The following PIGU variants were observed in gnomAD, a reference collection of about 807,000 sequenced individuals.
The protein encoded by PIGU is phosphatidylinositol glycan anchor biosynthesis class U.
Under a neutral mutation model 49.9 loss-of-function variants are expected in PIGU, and 24 were observed. The ratio of observed to expected loss-of-function variants is 0.48; its 90% CI spans 0.35 to 0.68. The LOEUF (loss-of-function observed/expected upper bound fraction) is 0.68, where lower values mean the gene tolerates loss of function less well. PIGU is among the 30% of genes least tolerant of loss of function. The pLI is 0.01. For missense variants in PIGU, 490 were observed against 532.6 expected, an observed-to-expected ratio of 0.92 and a Z score of 0.79; for synonymous variants, 220 against 205.7, an observed-to-expected ratio of 1.07 and a Z score of -0.59.
intron 10 of PIGU, among the ~76,000 whole-genome samples, chr20:34,581,214 G>C (rs946608818): frequency 1.3e-5 from 2 of 152,040 alleles, no homozygotes; most frequent in Non-Finnish European, 2.9e-5. Context: ...TGAATGAGTG[G>C]CTCTACCTTT....
At chr20:34,562,960 G>A (rs907279569) in intron 11 of PIGU, among the ~76,000 whole-genome samples, 11 of 152,200 alleles carry the variant, frequency 7.2e-5, no homozygotes, top group African/African-American at 1.9e-4. Context: ...AGGGGCAGGT[G>A]CAGTCACAAT....
chr20:34,668,321 G>T, intron 1 of PIGU, among the ~76,000 whole-genome samples: 1 of 151,808 alleles, frequency 6.6e-6, no homozygotes, highest in East Asian at 1.9e-4. Flanking sequence ...AGATTAGCTG[G>T]CATGGTGGCA....
chr20:34,572,952 C>A (rs1472283782), intron 11 of PIGU, among the ~76,000 whole-genome samples: 1 of 152,226 alleles, frequency 6.6e-6, no homozygotes, highest in Non-Finnish European at 1.5e-5. Context: ...AAGGCCACGT[C>A]TGCAGAGGAG....
chr20:34,628,810 C>T (rs1245272306), intron 6 of PIGU, among the ~76,000 whole-genome samples: 1 of 152,146 alleles, frequency 6.6e-6, no homozygotes, highest in Non-Finnish European at 1.5e-5. Flanking sequence ...GAGATCATGT[C>T]ACTGCACTCC....
At chr20:34,665,328 C>T (rs932847330) in intron 1 of PIGU, among the ~76,000 whole-genome samples, 7 of 149,948 alleles carry the variant, frequency 4.7e-5, no homozygotes, top group Non-Finnish European at 7.4e-5. Context: ...CTCAGCCTCC[C>T]GAGTAGCTGG....
intron 7 of PIGU, among the ~76,000 whole-genome samples, chr20:34,609,695 T>C (rs1984743402): frequency 6.6e-6 from 1 of 152,158 alleles, no homozygotes; most frequent in South Asian, 2.1e-4. Flanking sequence ...ATGGTTTTGT[T>C]TCCTGGATGT....
chr20:34,570,686 C>T (rs149025603), intron 11 of PIGU, among the ~76,000 whole-genome samples: 75 of 152,224 alleles, frequency 4.9e-4, no homozygotes, highest in African/African-American at 1.4e-3. Flanking sequence ...TGTGAGCCAC[C>T]GCGCCCGGCC....
chr20:34,595,118 A>C (rs929078819), intron 7 of PIGU, among the ~76,000 whole-genome samples: 1 of 143,092 alleles, frequency 7.0e-6, no homozygotes, highest in African/African-American at 2.6e-5. Flanking sequence ...AAAAAAAAAA[A>C]GAAAAGAAAA....
intron 1 of PIGU, among the ~76,000 whole-genome samples, chr20:34,668,359 G>C (rs1328111665): frequency 6.7e-6 from 1 of 149,964 alleles, no homozygotes; most frequent in Non-Finnish European, 1.5e-5. Context: ...CTACTCGGGA[G>C]GCTAAGGCAG....
chr20:34,644,393 A>G (rs541949154), intron 3 of PIGU, among the ~76,000 whole-genome samples, 167 bp from the exon 4 acceptor site: 2 of 152,186 alleles, frequency 1.3e-5, no homozygotes, highest in Non-Finnish European at 2.9e-5. Flanking sequence ...GATAAGGCCC[A>G]TTCAGGCAGG....
At chr20:34,575,067 C>T in intron 11 of PIGU, 37 bp downstream of exon 11, 1 of 1,608,450 alleles carries the variant, frequency 6.2e-7, no homozygotes, top group Non-Finnish European at 8.5e-7. Context: ...AAAATGAATT[C>T]CTGTCCCCAA....
intron 6 of PIGU, among the ~76,000 whole-genome samples, chr20:34,633,572 T>G (rs1985862149): frequency 1.4e-5 from 2 of 148,062 alleles, no homozygotes; most frequent in African/African-American, 2.5e-5. Context: ...AGAGCTAAAT[T>G]TTTTTTTTTT....
intron 11 of PIGU, chr20:34,562,511 C>T (rs1279233319): frequency 7.8e-7 from 1 of 1,289,418 alleles, no homozygotes; most frequent in Admixed American, 2.3e-5. Context: ...CTGTCACCAG[C>T]AGCTCTGATG....
chr20:34,571,407 TA>T (rs916478404), intron 11 of PIGU, among the ~76,000 whole-genome samples: 86 of 151,790 alleles, frequency 5.7e-4, no homozygotes, highest in African/African-American at 2.0e-3. Context: ...GAGCAGGATT[TA>T]AAAAAAAATC....
At chr20:34,669,141 C>T (rs1351447997) in intron 1 of PIGU, among the ~76,000 whole-genome samples, 1 of 151,872 alleles carries the variant, frequency 6.6e-6, no homozygotes, top group African/African-American at 2.4e-5. Context: ...CTCGCCTCAG[C>T]CTCCCAAAGT....
chr20:34,657,150 G>C, intron 2 of PIGU, 30 bp downstream of exon 2: 1 of 1,543,816 alleles, frequency 6.5e-7, no homozygotes, highest in Non-Finnish European at 8.9e-7. Context: ...ACTACTCTTG[G>C]TACCCAGAAA....
chr20:34,594,094 T>C (rs1984099532), intron 7 of PIGU, among the ~76,000 whole-genome samples: 2 of 151,852 alleles, frequency 1.3e-5, no homozygotes, highest in South Asian at 2.1e-4. Flanking sequence ...AGAGGATCAC[T>C]TGAGCCCAGG....
chr20:34,615,123 A>G (rs778405742), intron 7 of PIGU, among the ~76,000 whole-genome samples: 1 of 152,206 alleles, frequency 6.6e-6, no homozygotes, highest in Non-Finnish European at 1.5e-5. Context: ...TCTAGTTTCA[A>G]TTCATTTGTC....
Position 34,582,630 on chromosome 20 carries a change from G to C in PIGU, c.927-958C>G, listed in dbSNP as rs150799477. Among the ~76,000 whole-genome samples, 448 of 152,014 alleles carry C rather than the reference G, an allele frequency of 2.9e-3. 3 individuals carry two copies. Among genetic ancestry groups the C allele is most frequent in the African/African-American group, 0.01 (428 of 41,454 alleles). On this transcript the variant is annotated intron_variant, in intron 9 of 11. Transcript: ENST00000217446. ...GGAGGTTGAGGCTGCAGTGAGCCAT[G>C]ATCAACCACTGCACTCCAGCCTGGA...
Sources: allele counts gnomAD v4.1 joint callset (sites outside exome capture counted in the v4.1 genomes callset), GRCh38; gene constraint gnomAD v4.1.1; transcripts MANE v1.5; gene names NCBI Gene and HGNC (gene_info 2026-07-23, HGNC 2026-07-21).